The following SNTG1 variants were observed in gnomAD, a reference collection of about 807,000 sequenced individuals.
The protein encoded by SNTG1 is gamma-1-syntrophin.
SNTG1 carries 39 observed loss-of-function variants against 74.7 expected under a neutral mutation model. The ratio of observed to expected loss-of-function variants is 0.52; its 90% CI spans 0.40 to 0.68. The LOEUF (loss-of-function observed/expected upper bound fraction) is 0.68. SNTG1 is among the 30% of genes least tolerant of loss of function. The pLI is 0.00. For synonymous variants in SNTG1, 254 were observed against 217.1 expected, an observed-to-expected ratio of 1.17 and a Z score of -1.49; for missense variants, 685 against 609.5, an observed-to-expected ratio of 1.12 and a Z score of -1.30.
chr8:50,292,102 A>G (rs1399129235), intron 2 of SNTG1, among the ~76,000 whole-genome samples: 2 of 152,174 alleles, frequency 1.3e-5, no homozygotes, highest in Non-Finnish European at 2.9e-5. Flanking sequence ...GGTTAATCCT[A>G]CAGCTGAAAA....
chr8:50,203,516 C>T (rs561771677), intron 2 of SNTG1, among the ~76,000 whole-genome samples: 2 of 152,132 alleles, frequency 1.3e-5, no homozygotes, highest in East Asian at 1.9e-4. Flanking sequence ...ATTTTTTATA[C>T]ATCAGACGTG....
At chr8:50,335,850 AT>A (rs2091124407) in intron 2 of SNTG1, among the ~76,000 whole-genome samples, 1 of 150,444 alleles carries the variant, frequency 6.6e-6, no homozygotes, top group Non-Finnish European at 1.5e-5. Context: ...ATTTTATTTT[AT>A]TTTATTTTAT....
intron 13 of SNTG1, among the ~76,000 whole-genome samples, chr8:50,653,669 A>G (rs2095162619): frequency 2.0e-5 from 3 of 151,988 alleles, no homozygotes; most frequent in African/African-American, 7.2e-5. Flanking sequence ...CTTTTCTTTT[A>G]TACTTCTAAT....
intron 15 of SNTG1, among the ~76,000 whole-genome samples, chr8:50,676,983 G>A (rs2095311975): frequency 6.6e-6 from 1 of 151,756 alleles, no homozygotes; most frequent in East Asian, 1.9e-4. Context: ...AATATTTGGA[G>A]TGAAAAAAAT....
intron 8 of SNTG1, among the ~76,000 whole-genome samples, chr8:50,466,921 T>G (rs1435485544): frequency 6.6e-6 from 1 of 151,978 alleles, no homozygotes; most frequent in Non-Finnish European, 1.5e-5. Flanking sequence ...CTAAGAGGTG[T>G]CGTGTTTTGT....
intron 1 of SNTG1, among the ~76,000 whole-genome samples, chr8:50,071,607 T>C (rs1821375053): frequency 6.6e-6 from 1 of 151,674 alleles, no homozygotes. Context: ...GCCTCACGAG[T>C]AGCTGGGATT....
At position 50,388,671 on chromosome 8, in the gene SNTG1, T is replaced by TGCA. The variant is rs1563319093; in HGVS notation, c.-27-5539_-27-5537dup. Among the ~76,000 whole-genome samples, 3 of 152,292 alleles carry TGCA rather than the reference T, an allele frequency of 2.0e-5. No individual in the cohort carries two copies. In the East Asian group the frequency reaches 5.8e-4, roughly 29 times the overall value. On this transcript the variant is annotated intron_variant, in intron 2 of 18. Transcript: ENST00000642720. ...GAAACTCTCATGCAGAAGCTGATGA[T>TGCA]GCAGTCTGGAGGCAGAATTTCTTCT...
chr8:50,507,582 T>C (rs184349141), intron 9 of SNTG1, among the ~76,000 whole-genome samples: 1 of 152,218 alleles, frequency 6.6e-6, no homozygotes, highest in East Asian at 1.9e-4. Context: ...AGGTTATCTA[T>C]TTTTTCTAGA....
chr8:50,173,945 C>G (rs1285747838), intron 2 of SNTG1, among the ~76,000 whole-genome samples: 1 of 152,104 alleles, frequency 6.6e-6, no homozygotes, highest in African/African-American at 2.4e-5. Context: ...AGGTTTTAAG[C>G]CCTGCATGCA....
At chr8:50,723,954 A>G (rs1281139992) in intron 17 of SNTG1, among the ~76,000 whole-genome samples, 3 of 152,188 alleles carry the variant, frequency 2.0e-5, no homozygotes, top group Non-Finnish European at 4.4e-5. Context: ...AGAGGAAATG[A>G]GAAGTGTTAA....
At chr8:50,569,434 T>C (rs1196898429) in intron 12 of SNTG1, among the ~76,000 whole-genome samples, 2 of 151,638 alleles carry the variant, frequency 1.3e-5, no homozygotes, top group African/African-American at 4.8e-5. Context: ...ATATATTTAA[T>C]CCATAGAGAT....
At chr8:50,051,892 C>G (rs1163141207) in intron 1 of SNTG1, among the ~76,000 whole-genome samples, 1 of 151,982 alleles carries the variant, frequency 6.6e-6, no homozygotes, top group Non-Finnish European at 1.5e-5. Context: ...TTCTGGGAAC[C>G]ACAAGATACT....
intron 18 of SNTG1, among the ~76,000 whole-genome samples, chr8:50,791,544 G>C (rs1035964193): frequency 6.6e-6 from 1 of 151,724 alleles, no homozygotes; most frequent in Non-Finnish European, 1.5e-5. Flanking sequence ...TTAAATAGCT[G>C]TCTGGTACAC....
chr8:50,076,245 G>A (rs1821874955), intron 1 of SNTG1, among the ~76,000 whole-genome samples: 1 of 151,994 alleles, frequency 6.6e-6, no homozygotes. Context: ...CTTTTTCTCA[G>A]TCATACATCT....
chr8:49,914,020 T>A (rs1187437518), intron 1 of SNTG1, among the ~76,000 whole-genome samples: 1 of 152,168 alleles, frequency 6.6e-6, no homozygotes, highest in East Asian at 1.9e-4. Context: ...TAACTCTAAT[T>A]CACCCCAAAC....
chr8:50,493,089 T>A (rs2093872859), intron 8 of SNTG1, among the ~76,000 whole-genome samples: 1 of 152,098 alleles, frequency 6.6e-6, no homozygotes, highest in Admixed American at 6.5e-5. Flanking sequence ...TAATAAATGG[T>A]GTTGGGAAAA....
Position 50,470,383 on chromosome 8 carries a change from C to T in SNTG1, c.363+19654C>T, listed in dbSNP as rs140781280. On this transcript the variant is annotated intron_variant, in intron 8 of 18. Coordinates refer to ENST00000642720, the MANE Select transcript of SNTG1 (RefSeq NM_018967.5). ...TCAAGAATGAAGCTGCAGACCCTCACGGTGAGTGTTACAGTTCTTAAAGAT... is the reference window on the plus strand; with the variant it reads ...TCAAGAATGAAGCTGCAGACCCTCATGGTGAGTGTTACAGTTCTTAAAGAT... Among the ~76,000 whole-genome samples, 23 of 152,274 alleles carry T rather than the reference C, an allele frequency of 1.5e-4. No homozygotes were observed. The East Asian group carries it at 3.3e-3, about 22-fold the overall frequency.
rs150576838 is a variant in SNTG1 at position 50,565,923 on chromosome 8, T to C, written c.810+12744T>C. ...ACGCAGAGGTAATAAAAGGTACCTA[T>C]TCAGGAAAAAAAGTAAAGAGATACA... On this transcript the variant is annotated intron_variant, in intron 12 of 18. Transcript: ENST00000642720. Among the ~76,000 whole-genome samples the C allele has an allele frequency of 3.8e-3, 584 of 152,000 alleles. 4 individuals are homozygous for C. The highest frequency in any genetic ancestry group is 0.013 in the African/African-American group (548 of 41,520).
At chr8:50,056,838 T>C (rs1820065703) in intron 1 of SNTG1, among the ~76,000 whole-genome samples, 2 of 152,204 alleles carry the variant, frequency 1.3e-5, no homozygotes, top group Admixed American at 6.5e-5. Context: ...AGCAGGACAC[T>C]GGGCTGCATT....
Sources: allele counts gnomAD v4.1 joint callset (sites outside exome capture counted in the v4.1 genomes callset), GRCh38; gene constraint gnomAD v4.1.1; transcripts MANE v1.5; gene names NCBI Gene and HGNC (gene_info 2026-07-23, HGNC 2026-07-21).